DNAAF11: variants seen among roughly 807,000 people sequenced by gnomAD.
DNAAF11 encodes dynein axonemal assembly factor 11.
A neutral mutation model predicts 60.8 loss-of-function variants in DNAAF11; 45 were observed. The observed-to-expected ratio is 0.74, with a 90% CI of 0.58 to 0.95. The LOEUF is 0.95. Among genes scored for constraint, DNAAF11 ranks in the 40% least tolerant of loss-of-function variants. The pLI is 0.00. For missense variants in DNAAF11, 546 were observed against 546.2 expected (o/e 1.00, Z 0.00); for synonymous variants, 191 against 183.5 (o/e 1.04, Z -0.33).
intron 4 of DNAAF11, among the ~76,000 whole-genome samples, chr8:132,636,541 AC>A (rs1161618632): frequency 6.6e-6 from 1 of 152,046 alleles, no homozygotes; most frequent in African/African-American, 2.4e-5. Flanking sequence ...ACAACCTCTG[AC>A]CCTGTCTGCA....
intron 3 of DNAAF11, among the ~76,000 whole-genome samples, chr8:132,645,593 G>GA (rs79186275): frequency 3.3e-5 from 5 of 151,568 alleles, no homozygotes; most frequent in South Asian, 2.1e-4. Context: ...TAAAAACCTT[G>GA]AAAAAAAATA....
In DNAAF11 at chr8:132,604,616, T is replaced by C. The variant is rs887946178; in HGVS notation, c.1140+5550A>G. ...TGCAAAATTCCAGTTAAATTTTAAG[T>C]TGGACTGTGGTAAAATCATATGCTA... On this transcript the variant is annotated intron_variant, in intron 10 of 11. Transcript: ENST00000620350. Among the ~76,000 whole-genome samples the C allele has an allele frequency of 2.6e-5, 4 of 152,144 alleles. No individual in the cohort carries two copies. The East Asian group carries it at 5.8e-4, about 22-fold the overall frequency.
the DNAAF11 span, among the ~76,000 whole-genome samples, chr8:132,702,795 G>T: frequency 2.0e-5 from 3 of 152,232 alleles, 1 homozygote; most frequent in South Asian, 6.2e-4. Context: ...TAAGTAGCTG[G>T]ATCACAGTCT....
chr8:132,680,583 AG>A (rs1463755487), upstream of DNAAF11, among the ~76,000 whole-genome samples: 1 of 152,088 alleles, frequency 6.6e-6, no homozygotes, highest in East Asian at 1.9e-4. Context: ...TCTTCAGAAA[AG>A]TTTCTACATT....
chr8:132,589,367 A>ATT (rs772653990), intron 10 of DNAAF11, among the ~76,000 whole-genome samples: 1 of 152,194 alleles, frequency 6.6e-6, no homozygotes, highest in Admixed American at 6.5e-5. Flanking sequence ...TGGACTTTGC[A>ATT]TAAGTGGTGA....
chr8:132,698,699 T>C, the DNAAF11 span, among the ~76,000 whole-genome samples: 1 of 152,092 alleles, frequency 6.6e-6, no homozygotes, highest in East Asian at 1.9e-4. Context: ...TTCTGGAGCT[T>C]CTGTTCTGGT....
At chr8:132,649,931 T>C (rs1334081275) in intron 3 of DNAAF11, among the ~76,000 whole-genome samples, 1 of 152,232 alleles carries the variant, frequency 6.6e-6, no homozygotes, top group African/African-American at 2.4e-5. Flanking sequence ...GACTGTAAAC[T>C]AGTTCAACCA....
intron 10 of DNAAF11, among the ~76,000 whole-genome samples, chr8:132,588,897 G>A (rs1402940378): frequency 6.6e-6 from 1 of 151,982 alleles, no homozygotes; most frequent in African/African-American, 2.4e-5. Flanking sequence ...AGAGGAAGGA[G>A]GTGCCACACA....
chr8:132,641,863 C>A, intron 3 of DNAAF11, among the ~76,000 whole-genome samples: 1 of 152,102 alleles, frequency 6.6e-6, no homozygotes, highest in East Asian at 1.9e-4. Context: ...GTTATAAGGA[C>A]ATTTAAAATG....
intron 11 of DNAAF11, among the ~76,000 whole-genome samples, chr8:132,581,622 C>T (rs1477751708): frequency 2.0e-5 from 3 of 148,062 alleles, no homozygotes; most frequent in African/African-American, 7.5e-5. Flanking sequence ...TGCACTCCAG[C>T]CTCTTGCCAC....
At chr8:132,573,994 C>T (rs759686190) in intron 11 of DNAAF11, among the ~76,000 whole-genome samples, 66 of 152,048 alleles carry the variant, frequency 4.3e-4, no homozygotes, top group Non-Finnish European at 8.1e-4. Context: ...GGTGGGAATC[C>T]GAAGATGCCC....
intron 3 of DNAAF11, among the ~76,000 whole-genome samples, chr8:132,644,100 T>A (rs1015058256): frequency 6.6e-6 from 1 of 152,134 alleles, no homozygotes; most frequent in African/African-American, 2.4e-5. Context: ...TAATATTAAA[T>A]ACATATATCA....
At chr8:132,697,172 G>T in the DNAAF11 span, among the ~76,000 whole-genome samples, 30 of 152,176 alleles carry the variant, frequency 2.0e-4, no homozygotes, top group Non-Finnish European at 1.6e-4. Flanking sequence ...GCTGAAGGAT[G>T]GGAATGACAA....
chr8:132,619,230 T>G (rs1271510282), intron 7 of DNAAF11, among the ~76,000 whole-genome samples: 1 of 147,022 alleles, frequency 6.8e-6, no homozygotes, highest in Non-Finnish European at 1.5e-5. Flanking sequence ...TTCTCACTCA[T>G]AGGTGGGAAT....
intron 1 of DNAAF11, among the ~76,000 whole-genome samples, chr8:132,673,579 T>C (rs1825397917): frequency 6.6e-6 from 1 of 152,176 alleles, no homozygotes; most frequent in South Asian, 2.1e-4. Flanking sequence ...CCTTATCTCT[T>C]TGCTCTCCAC....
At chr8:132,661,894 T>C (rs1824179461) in intron 1 of DNAAF11, among the ~76,000 whole-genome samples, 1 of 152,136 alleles carries the variant, frequency 6.6e-6, no homozygotes, top group Non-Finnish European at 1.5e-5. Context: ...TTTTGCTGTA[T>C]GGATGGAGAT....
rs1448128052 is a variant in DNAAF11, at chr8:132,661,905, G to A, written c.11-278C>T. The stretch of plus-strand genomic sequence containing the variant: ...TACATTTTGCTGTATGGATGGAGAT[G>A]GAGTTGAGAGTTAATGGCTATAAAA... On this transcript the variant is annotated intron_variant, in intron 1 of 11. Transcript: ENST00000620350. Among the ~76,000 whole-genome samples, 9 of 152,138 alleles carry A rather than the reference G, an allele frequency of 5.9e-5. No individual in the cohort carries two copies. The East Asian group carries it at 1.7e-3, about 29-fold the overall frequency.
the DNAAF11 span, among the ~76,000 whole-genome samples, chr8:132,686,109 G>A: frequency 2.2e-4 from 34 of 152,280 alleles, no homozygotes; most frequent in African/African-American, 7.9e-4. Flanking sequence ...ATGATAGAAC[G>A]AGAGTGAAGA....
At position 132,675,390 on chromosome 8, in the gene DNAAF11, G is replaced by A. The variant is rs575908930; in HGVS notation, c.10+94C>T. 517 of 1,396,414 alleles carry A rather than the reference G, an allele frequency of 3.7e-4. 8 individuals are homozygous for A. The South Asian group carries it at 6.4e-3, about 17-fold the overall frequency. The allele number at this position is 1,396,414 out of a possible 1,614,324, so 86.5% of individuals were successfully genotyped here. ...CCGCCCAGGCGCGGGGGAACCGACA[G>A]CGCAGGGCGGGAGCGGGCGGCGAGG... On this transcript the variant is annotated intron_variant, in intron 1 of 11. Transcript: ENST00000620350.
Sources: allele counts gnomAD v4.1 joint callset (sites outside exome capture counted in the v4.1 genomes callset), GRCh38; gene constraint gnomAD v4.1.1; transcripts MANE v1.5; gene names NCBI Gene and HGNC (gene_info 2026-07-23, HGNC 2026-07-21).